Variants in SCOC observed in about 807,000 individuals in gnomAD.
SCOC encodes the protein short coiled-coil protein.
Under a neutral mutation model 9.9 loss-of-function variants are expected in SCOC, and 7 were observed. The ratio of observed to expected loss-of-function variants is 0.71; its 90% CI spans 0.40 to 1.33. The LOEUF (loss-of-function observed/expected upper bound fraction) is 1.33, where lower values mean the gene tolerates loss of function less well. Ranked by LOEUF, SCOC falls within the 40% of genes most tolerant of loss-of-function variation. The pLI, the probability that SCOC is intolerant of heterozygous loss-of-function variation, is 0.01. For synonymous variants in SCOC, 19 were observed against 28.2 expected (o/e 0.67, Z 1.03); for missense variants, 66 against 89.7 (o/e 0.74, Z 1.07).
intron 3 of SCOC, among the ~76,000 whole-genome samples, chr4:140,380,431 C>G (rs1728528369): frequency 6.6e-6 from 1 of 151,938 alleles, no homozygotes; most frequent in African/African-American, 2.4e-5. Context: ...AACTCCTGAC[C>G]TCATGATCCA....
intron 2 of SCOC, chr4:140,366,441 CT>C (rs918924000): frequency 4.6e-6 from 7 of 1,505,678 alleles, no homozygotes; most frequent in African/African-American, 4.2e-5. Context: ...GCAGCAGGTG[CT>C]TTTTTGGGAG....
intron 1 of SCOC, among the ~76,000 whole-genome samples, chr4:140,316,116 T>C (rs1340211594): frequency 6.6e-6 from 1 of 152,142 alleles, no homozygotes; most frequent in Non-Finnish European, 1.5e-5. Flanking sequence ...GTTATGATAA[T>C]GTCAAGCATC....
chr4:140,340,221 G>C (rs1190203393), upstream of SCOC, among the ~76,000 whole-genome samples: 1 of 151,916 alleles, frequency 6.6e-6, no homozygotes, highest in Non-Finnish European at 1.5e-5. Context: ...AACACCTCAT[G>C]TTGTCACTCA....
chr4:140,366,638 G>A (rs1727810508), intron 2 of SCOC: 2 of 1,604,972 alleles, frequency 1.2e-6, no homozygotes, highest in South Asian at 2.2e-5. Flanking sequence ...TGCCAGGCTT[G>A]TCTGACATAC....
intron 2 of SCOC, among the ~76,000 whole-genome samples, chr4:140,344,207 G>C (rs953131813): frequency 2.6e-5 from 4 of 152,188 alleles, no homozygotes; most frequent in African/African-American, 9.7e-5. Context: ...CTAAAATGCT[G>C]ATGGAAAGGA....
intron 2 of SCOC, among the ~76,000 whole-genome samples, chr4:140,354,171 C>T (rs1199371762): frequency 6.6e-6 from 1 of 152,146 alleles, no homozygotes; most frequent in East Asian, 1.9e-4. Flanking sequence ...AGGAGGTTAG[C>T]TTCCTTTATA....
intron 2 of SCOC, among the ~76,000 whole-genome samples, chr4:140,361,825 T>C (rs1053965226): frequency 3.9e-5 from 6 of 152,234 alleles, no homozygotes; most frequent in African/African-American, 1.2e-4. Flanking sequence ...ACTACATCTA[T>C]TTTCTCCCAA....
At chr4:140,264,586 G>T (rs1270460059) in intron 1 of SCOC, among the ~76,000 whole-genome samples, 1 of 152,122 alleles carries the variant, frequency 6.6e-6, no homozygotes, top group Non-Finnish European at 1.5e-5. Context: ...CATTGGCAGG[G>T]ACTTCTTTTG....
At chr4:140,370,570 G>T (rs1296638520), upstream of SCOC, among the ~76,000 whole-genome samples, 1 of 152,188 alleles carries the variant, frequency 6.6e-6, no homozygotes, top group Non-Finnish European at 1.5e-5. Context: ...ATACTGAAAA[G>T]TTTGGGACCT....
chr4:140,293,623 C>T (rs1578779527), intron 1 of SCOC, among the ~76,000 whole-genome samples: 1 of 152,210 alleles, frequency 6.6e-6, no homozygotes, highest in East Asian at 1.9e-4. Context: ...TAGAGAATTC[C>T]ACGCCAGGCA....
chr4:140,264,303 G>C (rs1223270517), intron 1 of SCOC, among the ~76,000 whole-genome samples: 1 of 152,172 alleles, frequency 6.6e-6, no homozygotes, highest in Non-Finnish European at 1.5e-5. Context: ...ATGACTGGAA[G>C]GAAGTGGTGG....
At chr4:140,366,724 CTCACT>C in intron 2 of SCOC, 1 of 1,583,130 alleles carries the variant, frequency 6.3e-7, no homozygotes, top group Admixed American at 1.7e-5. Context: ...GGTCTGTCTC[CTCACT>C]TGAGTGCAAG....
chr4:140,293,214 C>T (rs562628199), intron 1 of SCOC: 1 of 435,234 alleles, frequency 2.3e-6, no homozygotes, highest in South Asian at 1.6e-5. Context: ...AAATCTTAAA[C>T]AACTGGGCTG....
upstream of SCOC, among the ~76,000 whole-genome samples, chr4:140,339,024 G>A (rs148732688): frequency 6.6e-6 from 1 of 152,198 alleles, no homozygotes; most frequent in Non-Finnish European, 1.5e-5. Context: ...AACGCTGGAG[G>A]CATCATGCTA....
intron 2 of SCOC, among the ~76,000 whole-genome samples, chr4:140,368,549 T>G (rs1337054815): frequency 1.3e-5 from 2 of 152,194 alleles, no homozygotes; most frequent in African/African-American, 4.8e-5. Context: ...GAAGTTGATT[T>G]TGCCAAGGTT....
At position 140,348,512 on chromosome 4, in the gene SCOC, A is replaced by G. The variant is rs776897284; in HGVS notation, c.70+4804A>G. 2.2e-3 allele frequency among the ~76,000 whole-genome samples: 326 copies of G among 151,326 alleles called. 2 individuals carry two copies. Among genetic ancestry groups the G allele is most frequent in the Non-Finnish European group, 3.6e-3 (247 of 67,856 alleles). ...AAGGCTGAATTCTTCCACTATATGT[A>G]TGTGTGTGTGTGAGTGTGTGTATAT... On this transcript the variant is annotated intron_variant, in intron 2 of 4. Transcript: ENST00000338517.
At chr4:140,315,762 G>T (rs1293082857) in intron 1 of SCOC, among the ~76,000 whole-genome samples, 1 of 152,056 alleles carries the variant, frequency 6.6e-6, no homozygotes, top group African/African-American at 2.4e-5. Flanking sequence ...CAGATTTTTC[G>T]AAGTCTCTAC....
chr4:140,268,618 A>G (rs1015522011), intron 1 of SCOC, among the ~76,000 whole-genome samples: 3 of 152,196 alleles, frequency 2.0e-5, no homozygotes, highest in Non-Finnish European at 4.4e-5. Flanking sequence ...TGAGGTCATC[A>G]TTTAGTTCCT....
chr4:140,340,313 T>TG (rs1157707138), upstream of SCOC, among the ~76,000 whole-genome samples: 2 of 149,754 alleles, frequency 1.3e-5, no homozygotes, highest in African/African-American at 4.9e-5. Flanking sequence ...GGTGGGGGGA[T>TG]GGGGGAGGAA....
Sources: allele counts gnomAD v4.1 joint callset (sites outside exome capture counted in the v4.1 genomes callset), GRCh38; gene constraint gnomAD v4.1.1; transcripts MANE v1.5; gene names NCBI Gene and HGNC (gene_info 2026-07-23, HGNC 2026-07-21).